PRH1: variants seen among roughly 807,000 people sequenced by gnomAD.
PRH1 encodes salivary acidic proline-rich phosphoprotein 1/2.
Under a neutral mutation model 7.9 loss-of-function variants are expected in PRH1, and 7 were observed. That is an observed-to-expected ratio of 0.89 (90% confidence interval 0.50 to 1.67). The LOEUF is 1.67. Among genes scored for constraint, PRH1 ranks in the 40% most tolerant of loss-of-function variants. PRH1 has a pLI of 0.00. For synonymous variants in PRH1, 45 were observed against 80.8 expected, an observed-to-expected ratio of 0.56 and a Z score of 2.38; for missense variants, 109 against 223.6, an observed-to-expected ratio of 0.49 and a Z score of 3.27.
chr12:11,016,984 T>G (rs567758876), intron 1 of PRH1, among the ~76,000 whole-genome samples: 2 of 152,346 alleles, frequency 1.3e-5, no homozygotes, highest in African/African-American at 4.8e-5. Flanking sequence ...CTATCTGGCC[T>G]CTACCAAAAC....
intron 1 of PRH1, among the ~76,000 whole-genome samples, chr12:11,046,707 T>G (rs952247329): frequency 1.3e-5 from 2 of 152,198 alleles, no homozygotes; most frequent in Non-Finnish European, 2.9e-5. Flanking sequence ...AAAGTATCTG[T>G]GGGAGGCTTG....
intron 2 of PRH1, among the ~76,000 whole-genome samples, chr12:10,914,534 TC>T (rs1313923453): frequency 6.6e-6 from 1 of 152,176 alleles, no homozygotes; most frequent in East Asian, 1.9e-4. Flanking sequence ...TGCAGAAGTA[TC>T]TTTTTGTGTA....
At chr12:10,939,530 T>A (rs186037396) in intron 2 of PRH1, among the ~76,000 whole-genome samples, 1 of 151,006 alleles carries the variant, frequency 6.6e-6, no homozygotes, top group East Asian at 2.0e-4. Flanking sequence ...TAAGGACATA[T>A]TTATTTTCAT....
exon 1 of PRH1, chr12:11,047,084 A>T: frequency 2.0e-6 from 1 of 490,560 alleles, no homozygotes; most frequent in Non-Finnish European, 4.3e-6. Context: ...TGTGTTAAGT[A>T]AATGTTCTGT....
chr12:11,067,522 T>C (rs1411592090), intron 1 of PRH1, among the ~76,000 whole-genome samples: 1 of 152,202 alleles, frequency 6.6e-6, no homozygotes, highest in Non-Finnish European at 1.5e-5. Context: ...AGAAGGTGGA[T>C]TTACAGTTCT....
chr12:10,925,360 T>A (rs530853620), intron 2 of PRH1, among the ~76,000 whole-genome samples: 2 of 152,316 alleles, frequency 1.3e-5, no homozygotes, highest in African/African-American at 4.8e-5. Context: ...ATTTATCCCT[T>A]CATACACAAA....
intron 2 of PRH1, chr12:10,938,808 G>C (rs185747809): frequency 6.2e-7 from 1 of 1,613,400 alleles, no homozygotes; most frequent in East Asian, 2.2e-5. Context: ...GTCACAAGAA[G>C]CAGCACCAAA....
intron 1 of PRH1, among the ~76,000 whole-genome samples, chr12:11,019,919 C>A (rs1320272245): frequency 2.6e-5 from 4 of 152,406 alleles, no homozygotes; most frequent in Non-Finnish European, 5.9e-5. Context: ...GTGACCCTGA[C>A]CCTGTGCAAA....
chr12:11,137,694 A>T (rs1302674790), intron 1 of PRH1, among the ~76,000 whole-genome samples: 2 of 152,234 alleles, frequency 1.3e-5, no homozygotes, highest in Non-Finnish European at 2.9e-5. Flanking sequence ...CTTAATTTCT[A>T]AATCTAAGTG....
At chr12:11,073,719 A>G (rs1409389821) in intron 1 of PRH1, among the ~76,000 whole-genome samples, 1 of 152,054 alleles carries the variant, frequency 6.6e-6, no homozygotes, top group African/African-American at 2.4e-5. Context: ...GCTGTGGCCC[A>G]ACCTGCTCTG....
intron 2 of PRH1, among the ~76,000 whole-genome samples, chr12:10,912,012 G>A (rs1057311424): frequency 1.1e-3 from 164 of 152,206 alleles, no homozygotes; most frequent in African/African-American, 3.8e-3. Context: ...CCTGGTTTTG[G>A]ATTGCACATG....
Position 11,092,270 on chromosome 12 carries a change from G to A in PRH1, n.124-45082C>T, listed in dbSNP as rs771413359. 28 of 1,215,596 alleles carry A rather than the reference G, an allele frequency of 2.3e-5. No homozygotes were observed. The South Asian group carries it at 3.3e-4, about 14-fold the overall frequency. 75.3% of individuals were successfully genotyped at this position (1,215,596 alleles called of 1,614,324 possible). ...AAAAATTTTTTTAAATGCTGGTGTT[G>A]TGTCCGGAATTGGTTCCTGCAGGTG... On this transcript the variant is annotated intron_variant and non_coding_transcript_variant, in intron 1 of 4. Transcript: ENST00000541977.
At chr12:11,112,688 G>A (rs965574569) in intron 1 of PRH1, among the ~76,000 whole-genome samples, 1 of 152,048 alleles carries the variant, frequency 6.6e-6, no homozygotes, top group Non-Finnish European at 1.5e-5. Context: ...CAAACCCACA[G>A]CCAATATACT....
At chr12:11,136,181 C>A (rs1027832785) in intron 1 of PRH1, among the ~76,000 whole-genome samples, 15 of 152,188 alleles carry the variant, frequency 9.9e-5, no homozygotes, top group African/African-American at 3.6e-4. Context: ...AGGTATGCAA[C>A]CCTAAACTCC....
intron 1 of PRH1, among the ~76,000 whole-genome samples, chr12:11,090,292 T>C (rs1944836216): frequency 3.4e-5 from 4 of 116,406 alleles, no homozygotes; most frequent in African/African-American, 8.6e-5. Flanking sequence ...ACAATTTCTA[T>C]ACTATATTTA....
chr12:10,915,121 C>T (rs1261628402), intron 2 of PRH1, among the ~76,000 whole-genome samples: 1 of 152,106 alleles, frequency 6.6e-6, no homozygotes, highest in Non-Finnish European at 1.5e-5. Flanking sequence ...GAGTGAGACT[C>T]CGTCTCAAAA....
intron 2 of PRH1, among the ~76,000 whole-genome samples, chr12:10,924,148 C>T (rs539014439): frequency 6.6e-6 from 1 of 152,040 alleles, no homozygotes; most frequent in Admixed American, 6.5e-5. Flanking sequence ...CCACCACGCC[C>T]AGCTAATTTT....
intron 1 of PRH1, among the ~76,000 whole-genome samples, chr12:11,011,594 A>G (rs981010396): frequency 2.0e-5 from 3 of 152,126 alleles, no homozygotes; most frequent in African/African-American, 7.2e-5. Flanking sequence ...TTAAAACCCA[A>G]CTCATAATTC....
intron 2 of PRH1, among the ~76,000 whole-genome samples, chr12:10,890,525 T>C (rs1424387891): frequency 6.6e-6 from 1 of 152,130 alleles, no homozygotes; most frequent in Non-Finnish European, 1.5e-5. Flanking sequence ...GGCCCTGCTA[T>C]CTTCTATTTG....
Sources: allele counts gnomAD v4.1 joint callset (sites outside exome capture counted in the v4.1 genomes callset), GRCh38; gene constraint gnomAD v4.1.1; transcripts MANE v1.5; gene names NCBI Gene and HGNC (gene_info 2026-07-23, HGNC 2026-07-21).